Variants in CCR5AS observed in about 807,000 individuals in gnomAD.
The protein encoded by CCR5AS is CCR5 antisense RNA.
intron 2 of CCR5AS, among the ~76,000 whole-genome samples, chr3:46,385,182 A>T (rs970188633): frequency 5.9e-5 from 9 of 152,190 alleles, no homozygotes; most frequent in African/African-American, 1.9e-4. Context: ...TTCAGCATTT[A>T]TTGAATGCTT....
chr3:46,385,598 T>C (rs542604228), intron 2 of CCR5AS, among the ~76,000 whole-genome samples: 7 of 152,330 alleles, frequency 4.6e-5, no homozygotes. Context: ...GAGAAATCTT[T>C]ACCTTTTTCA....
intron 1 of CCR5AS, among the ~76,000 whole-genome samples, chr3:46,401,661 C>G (rs1056576600): frequency 1.3e-5 from 2 of 152,160 alleles, no homozygotes; most frequent in African/African-American, 4.8e-5. Context: ...AGACATGGGT[C>G]TCAGAGTGCA....
intron 1 of CCR5AS, among the ~76,000 whole-genome samples, chr3:46,403,313 G>A (rs1702018501): frequency 6.6e-6 from 1 of 152,196 alleles, no homozygotes. Flanking sequence ...TCAAGATCAA[G>A]TTAGATCTCT....
intron 2 of CCR5AS, among the ~76,000 whole-genome samples, chr3:46,390,906 G>A (rs1467034255): frequency 6.6e-6 from 1 of 152,184 alleles, no homozygotes; most frequent in Non-Finnish European, 1.5e-5. Flanking sequence ...AGAAAGTAAT[G>A]TGGAGTGGGT....
intron 2 of CCR5AS, among the ~76,000 whole-genome samples, chr3:46,392,497 G>A (rs1701922070): frequency 6.6e-6 from 1 of 152,216 alleles, no homozygotes; most frequent in African/African-American, 2.4e-5. Context: ...GCCCTGGGCT[G>A]TCATGTGGGT....
rs1203091011 is a variant in CCR5AS at position 46,370,045 on chromosome 3, C to T, written n.565+1199G>A. 6.6e-5 allele frequency among the ~76,000 whole-genome samples: 10 copies of T among 152,052 alleles called. No individual in the cohort carries two copies. In the East Asian group the frequency reaches 1.5e-3, roughly 23 times the overall value. Reference sequence around the variant, plus strand: ...CAATACTTGAGATTTTCAGATGTCACCAACCGCCAAGAGAGCTTGATATGA... The same window carrying T: ...CAATACTTGAGATTTTCAGATGTCATCAACCGCCAAGAGAGCTTGATATGA... On this transcript the variant is annotated intron_variant and non_coding_transcript_variant, in intron 3 of 3. Coordinates refer to ENST00000451485, the Ensembl canonical transcript of CCR5AS.
At chr3:46,401,287 A>G (rs746946298) in intron 1 of CCR5AS, among the ~76,000 whole-genome samples, 19 of 152,250 alleles carry the variant, frequency 1.2e-4, no homozygotes, top group Non-Finnish European at 2.1e-4. Flanking sequence ...GTATTACTTC[A>G]TGGTAAGCAA....
At chr3:46,398,413 A>C (rs1701979170) in intron 1 of CCR5AS, among the ~76,000 whole-genome samples, 1 of 152,210 alleles carries the variant, frequency 6.6e-6, no homozygotes, top group East Asian at 1.9e-4. Context: ...TGGCAGAGCT[A>C]ATAAACCTCT....
intron 1 of CCR5AS, chr3:46,406,797 A>C (rs1702053136): frequency 6.6e-6 from 1 of 152,424 alleles, no homozygotes; most frequent in Non-Finnish European, 1.5e-5. Context: ...AGCTGACATC[A>C]CCCTGTGGCT....
intron 2 of CCR5AS, chr3:46,374,777 T>C (rs1378835950): frequency 6.0e-6 from 1 of 167,418 alleles, no homozygotes; most frequent in Non-Finnish European, 1.5e-5. Context: ...GAAGGTTTAC[T>C]CTGTGGCCAA....
intron 2 of CCR5AS, among the ~76,000 whole-genome samples, chr3:46,386,154 G>T (rs1701860228): frequency 6.6e-6 from 1 of 152,022 alleles, no homozygotes; most frequent in African/African-American, 2.4e-5. Flanking sequence ...GGACTCAGGT[G>T]ATCAGCCTGC....
At chr3:46,395,678 T>C (rs571290232) in intron 1 of CCR5AS, among the ~76,000 whole-genome samples, 1 of 152,218 alleles carries the variant, frequency 6.6e-6, no homozygotes. Context: ...TGTTCCCTCC[T>C]TCCGCCTAGA....
chr3:46,383,196 A>G (rs1467045874), intron 2 of CCR5AS, among the ~76,000 whole-genome samples: 2 of 152,152 alleles, frequency 1.3e-5, no homozygotes, highest in African/African-American at 4.8e-5. Context: ...TAAGTAATGG[A>G]TGGAAAGGGC....
chr3:46,386,222 C>T (rs530486936), intron 2 of CCR5AS, among the ~76,000 whole-genome samples: 9 of 152,222 alleles, frequency 5.9e-5, no homozygotes, highest in South Asian at 2.1e-4. Flanking sequence ...GACCACACTC[C>T]CATTTCTTGA....
In CCR5AS at chr3:46,379,935, A is replaced by AATAG. The variant is rs569088182; in HGVS notation, n.392-8522_392-8519dup. Among the ~76,000 whole-genome samples the AATAG allele has an allele frequency of 2.6e-3, 392 of 150,634 alleles. 13 individuals carry two copies. Among genetic ancestry groups the AATAG allele is most frequent in the Admixed American group, 0.022 (334 of 15,080 alleles). ...AAATAAATAAATAAATAAATAAATA[A>AATAG]ATAGTAAATGCACTGCTTTGCTTTT... On this transcript the variant is annotated intron_variant and non_coding_transcript_variant, in intron 2 of 3. Coordinates refer to ENST00000451485, the Ensembl canonical transcript of CCR5AS.
chr3:46,369,929 A>G (rs1321771336), intron 3 of CCR5AS, among the ~76,000 whole-genome samples: 1 of 152,056 alleles, frequency 6.6e-6, no homozygotes, highest in Non-Finnish European at 1.5e-5. Flanking sequence ...TCACAAGCCA[A>G]AGCTTTTTAT....
intron 2 of CCR5AS, among the ~76,000 whole-genome samples, chr3:46,386,939 A>G (rs1701867810): frequency 6.6e-6 from 1 of 152,166 alleles, no homozygotes; most frequent in Non-Finnish European, 1.5e-5. Context: ...TATGTTTGTA[A>G]TTGTTAAAAC....
intron 3 of CCR5AS, chr3:46,371,121 A>C (rs1701655179): frequency 6.6e-6 from 1 of 152,258 alleles, no homozygotes. Context: ...AATCTTTAAG[A>C]TAAGGAAAGG....
chr3:46,403,082 C>T (rs1003678123), intron 1 of CCR5AS, among the ~76,000 whole-genome samples: 7 of 152,258 alleles, frequency 4.6e-5, no homozygotes, highest in African/African-American at 1.2e-4. Flanking sequence ...TCGTTCTTTT[C>T]ATGGCTGCAT....
Sources: gnomAD v4.1 joint callset for allele counts (sites outside exome capture counted in the v4.1 genomes callset) on GRCh38, gnomAD v4.1.1 for gene constraint, MANE v1.5 for transcripts, NCBI Gene and HGNC (gene_info 2026-07-23, HGNC 2026-07-21) for gene names.